Variants in ULK4 observed in about 807,000 individuals in gnomAD.
The protein encoded by ULK4 is unc-51 like kinase 4, also known as inactive serine/threonine-protein kinase ULK4.
ULK4 carries 133 observed loss-of-function variants against 160.6 expected under a neutral mutation model. The ratio of observed to expected loss-of-function variants is 0.83; its 90% CI spans 0.72 to 0.96. The LOEUF (loss-of-function observed/expected upper bound fraction) is 0.96, where lower values mean the gene tolerates loss of function less well. ULK4 is among the 40% of genes least tolerant of loss of function. The pLI, the probability that ULK4 is intolerant of heterozygous loss-of-function variation, is 0.00. For missense variants in ULK4, 1,580 were observed against 1,499.5 expected (o/e 1.05, Z -0.89); for synonymous variants, 534 against 539.8 (o/e 0.99, Z 0.15).
chr3:41,348,625 C>T (rs2080851985), intron 35 of ULK4, among the ~76,000 whole-genome samples: 1 of 152,134 alleles, frequency 6.6e-6, no homozygotes, highest in African/African-American at 2.4e-5. Context: ...TAACTGAGCA[C>T]ATACACTAAG....
chr3:41,951,537 AC>A (rs1433640771), intron 2 of ULK4, among the ~76,000 whole-genome samples: 1 of 152,192 alleles, frequency 6.6e-6, no homozygotes, highest in East Asian at 1.9e-4. Flanking sequence ...CCAGAAATAA[AC>A]CCTCACACAT....
At chr3:41,470,037 A>AAAAAAAAAAAAAAAAAAAAAT (rs1559626320) in intron 32 of ULK4, among the ~76,000 whole-genome samples, 1 of 147,598 alleles carries the variant, frequency 6.8e-6, no homozygotes, top group Non-Finnish European at 1.5e-5. Context: ...AAAAAAAAAA[A>AAAAAAAAAAAAAAAAAAAAAT]AAAAAAAAAC....
intron 30 of ULK4, among the ~76,000 whole-genome samples, chr3:41,661,382 T>C (rs941997490): frequency 6.6e-6 from 1 of 152,066 alleles, no homozygotes; most frequent in Non-Finnish European, 1.5e-5. Context: ...TTTATTTCAG[T>C]ATTTATGTGT....
intron 30 of ULK4, among the ~76,000 whole-genome samples, chr3:41,644,953 T>G (rs1167124607): frequency 3.3e-5 from 5 of 152,084 alleles, no homozygotes; most frequent in Non-Finnish European, 4.4e-5. Flanking sequence ...TTTATCCATT[T>G]CTTCTAGATT....
intron 5 of ULK4, among the ~76,000 whole-genome samples, chr3:41,923,067 G>A (rs1031804444): frequency 1.3e-5 from 2 of 151,646 alleles, no homozygotes; most frequent in Admixed American, 6.6e-5. Flanking sequence ...CCAGCTACTC[G>A]GGAGGCAGGA....
intron 30 of ULK4, among the ~76,000 whole-genome samples, chr3:41,653,115 CA>C (rs1418939405): frequency 1.3e-5 from 2 of 152,136 alleles, no homozygotes; most frequent in Non-Finnish European, 2.9e-5. Context: ...AGCCTTCGGG[CA>C]TATCTTTCCA....
chr3:41,634,233 GC>G (rs1202829095), intron 30 of ULK4, among the ~76,000 whole-genome samples: 2 of 152,142 alleles, frequency 1.3e-5, no homozygotes, highest in African/African-American at 4.8e-5. Context: ...ATGTCCTTGT[GC>G]TTTTGCCTGA....
At chr3:41,787,558 T>C (rs1006223060) in intron 21 of ULK4, among the ~76,000 whole-genome samples, 1 of 152,142 alleles carries the variant, frequency 6.6e-6, no homozygotes, top group Non-Finnish European at 1.5e-5. Flanking sequence ...GACTCTAAAA[T>C]AGAAGATTCA....
intron 22 of ULK4, 91 bp from the exon 23 acceptor site, chr3:41,717,952 G>T: frequency 6.8e-7 from 1 of 1,460,560 alleles, no homozygotes; most frequent in South Asian, 1.3e-5. Context: ...TGTTTCCAGA[G>T]GGCACCCTCC....
intron 30 of ULK4, among the ~76,000 whole-genome samples, chr3:41,644,295 T>G (rs1361859882): frequency 1.4e-4 from 22 of 151,748 alleles, no homozygotes; most frequent in Admixed American, 3.9e-4. Flanking sequence ...ATGCTTCCAG[T>G]TTTTGCCCAT....
intron 31 of ULK4, among the ~76,000 whole-genome samples, chr3:41,599,740 T>A (rs1170980302): frequency 1.3e-5 from 2 of 151,872 alleles, no homozygotes; most frequent in African/African-American, 4.8e-5. Flanking sequence ...AATTTTTGTA[T>A]TTTTAGTAGA....
At chr3:41,279,438 C>A (rs1437887662) in intron 35 of ULK4, among the ~76,000 whole-genome samples, 1 of 152,072 alleles carries the variant, frequency 6.6e-6, no homozygotes, top group Non-Finnish European at 1.5e-5. Flanking sequence ...GGCCAACATT[C>A]AAATTCAGGA....
At chr3:41,557,874 AC>A (rs1486129402) in intron 32 of ULK4, among the ~76,000 whole-genome samples, 1 of 152,270 alleles carries the variant, frequency 6.6e-6, no homozygotes, top group African/African-American at 2.4e-5. Flanking sequence ...ACTTAGGAAG[AC>A]ATAAACTTAA....
intron 35 of ULK4, among the ~76,000 whole-genome samples, chr3:41,309,489 C>T (rs1030019302): frequency 2.6e-5 from 4 of 152,068 alleles, no homozygotes; most frequent in African/African-American, 9.7e-5. Flanking sequence ...AGGCTCATGA[C>T]ATTGTGCCCA....
intron 23 of ULK4, among the ~76,000 whole-genome samples, chr3:41,717,129 T>C (rs958222620): frequency 6.6e-6 from 1 of 152,118 alleles, no homozygotes; most frequent in Admixed American, 6.5e-5. Flanking sequence ...AATTCAGTGT[T>C]TGATAGCAGA....
chr3:41,941,928 A>G (rs1313777479), intron 2 of ULK4, among the ~76,000 whole-genome samples: 5 of 152,070 alleles, frequency 3.3e-5, no homozygotes, highest in Non-Finnish European at 7.4e-5. Flanking sequence ...CAGAATCACC[A>G]ACAGAATCTG....
At chr3:41,721,299 G>T (rs1466224103) in intron 22 of ULK4, among the ~76,000 whole-genome samples, 2 of 77,320 alleles carry the variant, frequency 2.6e-5, no homozygotes, top group Non-Finnish European at 4.5e-5. Context: ...TTTGAACCAT[G>T]AGTATGTGTT....
chr3:41,543,486 G>T (rs1006801419), intron 32 of ULK4, among the ~76,000 whole-genome samples: 1 of 152,140 alleles, frequency 6.6e-6, no homozygotes, highest in South Asian at 2.1e-4. Context: ...AGAACACACT[G>T]TAGTACCTGA....
chr3:41,676,141 T>A (rs1367017235), intron 29 of ULK4, among the ~76,000 whole-genome samples: 2 of 152,198 alleles, frequency 1.3e-5, no homozygotes, highest in African/African-American at 2.4e-5. Context: ...TAAATGGGCA[T>A]TGATATAAGC....
Sources: allele counts gnomAD v4.1 joint callset (sites outside exome capture counted in the v4.1 genomes callset), GRCh38; gene constraint gnomAD v4.1.1; transcripts MANE v1.5; gene names NCBI Gene and HGNC (gene_info 2026-07-23, HGNC 2026-07-21).